Variants in ESR2 observed in about 807,000 individuals in gnomAD.
ESR2 encodes estrogen receptor 2.
ESR2 carries 36 observed loss-of-function variants against 49.6 expected under a neutral mutation model. That is an observed-to-expected ratio of 0.73 (90% CI 0.56 to 0.96). The LOEUF (loss-of-function observed/expected upper bound fraction) is 0.96, where lower values mean the gene tolerates loss of function less well. Among genes scored for constraint, ESR2 ranks in the 40% least tolerant of loss-of-function variants. The probability of loss-of-function intolerance (pLI) is 0.00; values close to 1 mark genes in which losing one functional copy is unlikely to be tolerated. For missense variants in ESR2, 714 were observed against 693.0 expected (o/e 1.03, Z -0.34); for synonymous variants, 320 against 266.1 (o/e 1.20, Z -1.97).
In ESR2 at chr14:64,280,152, C is replaced by T; in HGVS notation, c.364G>A (p.Glu122Lys). 6.2e-7 allele frequency: 1 copy of T among 1,613,194 alleles called. No individual in the cohort carries two copies. The highest frequency in any genetic ancestry group is 8.5e-7 in the Non-Finnish European group (1 of 1,179,300). ...CCACTAACCTTCCTTTTCAGTGTCT[C>T]TCTAGGGAGCAAAGAAAATATCCAT... ...SLEHTLPVNR[E>K]TLKRKVSGNR... The change falls in exon 3 of 9, where the codon GAG becomes AAG. Residue 122 changes from glutamate to lysine, a missense_variant and splice_region_variant. Glu to Lys is a moderately conservative substitution (Grantham distance 56). Coordinates refer to ENST00000341099, the MANE Select transcript of ESR2 (RefSeq NM_001437.3).
intron 1 of ESR2, among the ~76,000 whole-genome samples, chr14:64,307,615 A>G (rs1168277673): frequency 6.6e-6 from 1 of 151,528 alleles, no homozygotes; most frequent in Non-Finnish European, 1.5e-5. Context: ...GCTCACTGCA[A>G]TCTCCGCCTC....
rs765174403 is a variant in ESR2, at chr14:64,234,976, T to C, written c.1400A>G (p.His467Arg). The C allele has an allele frequency of 1.9e-6, 3 of 1,614,098 alleles. No individual in the cohort carries two copies. In the South Asian group the frequency reaches 3.3e-5, roughly 18 times the overall value. The change falls in exon 8 of 9, where the codon CAT (histidine) becomes CGT (arginine). Residue 467 changes from histidine (H) to arginine (R), a missense_variant. Transcript: ENST00000341099. ...NLLMLLSHVRHASNKGMEHLL... is the reference protein window; with the variant it reads ...NLLMLLSHVRRASNKGMEHLL... ...AGCTCCTTAGGGCGCGTACCTCGCA[T>C]GCCTGACGTGGGACAGGAGCATCAG...
At chr14:64,309,067 T>C (rs957904747) in intron 1 of ESR2, among the ~76,000 whole-genome samples, 37 of 152,178 alleles carry the variant, frequency 2.4e-4, no homozygotes, top group African/African-American at 8.7e-4. Context: ...TCAAATAACA[T>C]ACCTAAAGCA....
intron 2 of ESR2, 48 bp downstream of exon 2, chr14:64,282,576 T>A: frequency 6.6e-7 from 1 of 1,525,074 alleles, no homozygotes; most frequent in Admixed American, 2.0e-5. Context: ...CATAAAGTGA[T>A]TTGAGAAATG....
intron 3 of ESR2, among the ~76,000 whole-genome samples, chr14:64,272,792 G>A (rs192957786): frequency 5.9e-5 from 9 of 152,262 alleles, no homozygotes; most frequent in Admixed American, 5.2e-4. Context: ...TTTATAGTCA[G>A]GTAATGTGAT....
At chr14:64,257,161 G>T in intron 6 of ESR2, 65 bp downstream of exon 6, 1 of 1,488,836 alleles carries the variant, frequency 6.7e-7, no homozygotes, top group Non-Finnish European at 9.4e-7. Flanking sequence ...CCAGGACTTT[G>T]TTCCCACTCA....
intron 1 of ESR2, among the ~76,000 whole-genome samples, chr14:64,313,944 C>T (rs1035512049): frequency 2.0e-5 from 3 of 151,582 alleles, no homozygotes; most frequent in African/African-American, 7.3e-5. Context: ...TTGGAGGATT[C>T]AGCTCCTCTC....
At chr14:64,254,267 A>G (rs2076051526) in intron 6 of ESR2, among the ~76,000 whole-genome samples, 1 of 152,204 alleles carries the variant, frequency 6.6e-6, no homozygotes, top group Non-Finnish European at 1.5e-5. Context: ...GATTCCCTTC[A>G]CTTTGCAAAA....
intron 7 of ESR2, among the ~76,000 whole-genome samples, chr14:64,244,294 G>T (rs1475707958): frequency 6.6e-6 from 1 of 151,986 alleles, no homozygotes; most frequent in Non-Finnish European, 1.5e-5. Context: ...CAGCTACTCT[G>T]GAAGCTGAGG....
upstream of ESR2, chr14:64,338,278 T>A (rs2077556650): frequency 6.4e-6 from 1 of 155,580 alleles, no homozygotes; most frequent in Admixed American, 6.5e-5. Context: ...TCCTTCCAGC[T>A]CGGCAGGGCC....
chr14:64,332,820 C>T (rs928557938), intron 1 of ESR2, among the ~76,000 whole-genome samples: 2 of 149,988 alleles, frequency 1.3e-5, no homozygotes, highest in East Asian at 2.0e-4. Context: ...AAAAGGGTAC[C>T]GTATATGATC....
rs948088875 is a variant in ESR2, at chr14:64,228,928, A to C, written c.*4209T>G. ...AAATTCCAGCAAGTTTGAGAGCTAT[A>C]AAGAATAAGTGGCACGTGTTTTCAC... On this transcript the variant is annotated 3_prime_UTR_variant, in exon 9 of 9. Transcript: ENST00000341099. Among the ~76,000 whole-genome samples, 3 of 152,236 alleles carry C rather than the reference A, an allele frequency of 2.0e-5. No individual in the cohort carries two copies. The highest frequency in any genetic ancestry group is 4.8e-5 in the African/African-American group (2 of 41,462).
At chr14:64,262,541 A>G (rs776268420) in intron 4 of ESR2, among the ~76,000 whole-genome samples, 6 of 152,260 alleles carry the variant, frequency 3.9e-5, no homozygotes, top group Non-Finnish European at 7.3e-5. Context: ...ATAGAAGCTT[A>G]AATTCTCAAA....
At chr14:64,297,081 C>T (rs1412255049), upstream of ESR2, among the ~76,000 whole-genome samples, 1 of 152,156 alleles carries the variant, frequency 6.6e-6, no homozygotes, top group Non-Finnish European at 1.5e-5. Context: ...GGGTCCCAGC[C>T]TCATTTCCAC....
intron 1 of ESR2, among the ~76,000 whole-genome samples, chr14:64,290,255 G>C (rs2076849382): frequency 6.6e-6 from 1 of 152,016 alleles, no homozygotes; most frequent in Non-Finnish European, 1.5e-5. Flanking sequence ...AATTTTTGTA[G>C]AGATAGGGTC....
intron 1 of ESR2, among the ~76,000 whole-genome samples, chr14:64,285,916 C>A (rs1200281597): frequency 2.6e-5 from 4 of 151,874 alleles, no homozygotes; most frequent in African/African-American, 9.7e-5. Context: ...TCTTACTCAC[C>A]TTGCACTGAA....
chr14:64,314,634 T>C (rs997779049), intron 1 of ESR2, among the ~76,000 whole-genome samples: 1 of 151,422 alleles, frequency 6.6e-6, no homozygotes. Context: ...TCCCAGCACT[T>C]TGAGAGCCTG....
rs77780940 is a variant in ESR2 at position 64,282,605 on chromosome 14, G to T, written c.362+19C>A. The stretch of plus-strand genomic sequence containing the variant: ...AGAAATGGCTAGCAACTATAATTCA[G>T]AATGAAGACTGGACTTACCTGTTTA... On this transcript the variant is annotated intron_variant, in intron 2 of 8. Transcript: ENST00000341099. 1,019 of 1,566,836 alleles carry T rather than the reference G, an allele frequency of 6.5e-4. 12 individuals are homozygous for T. The African/African-American group carries it at 0.013, about 19-fold the overall frequency.
chr14:64,293,040 G>T (rs1271459999), intron 1 of ESR2, among the ~76,000 whole-genome samples: 2 of 152,064 alleles, frequency 1.3e-5, no homozygotes, highest in African/African-American at 4.8e-5. Context: ...GCAATCCTAC[G>T]GTGTATACTC....
Sources: gnomAD v4.1 joint callset for allele counts (sites outside exome capture counted in the v4.1 genomes callset) on GRCh38, gnomAD v4.1.1 for gene constraint, MANE v1.5 for transcripts, NCBI Gene and HGNC (gene_info 2026-07-23, HGNC 2026-07-21) for gene names.